The following ETNPPL variants were observed in gnomAD, a reference collection of about 807,000 sequenced individuals.
ETNPPL encodes alanine--glyoxylate aminotransferase 2-like 1.
A neutral mutation model predicts 55.5 loss-of-function variants in ETNPPL; 30 were observed. The observed-to-expected ratio is 0.54, with a 90% confidence interval of 0.40 to 0.73. The LOEUF (loss-of-function observed/expected upper bound fraction) is 0.73. Ranked by LOEUF, ETNPPL falls within the 30% of genes least tolerant of loss-of-function variation. The pLI is 0.00. For synonymous variants in ETNPPL, 202 were observed against 207.2 expected (o/e 0.98, Z 0.21); for missense variants, 528 against 607.9 (o/e 0.87, Z 1.38).
intron 8 of ETNPPL, among the ~76,000 whole-genome samples, chr4:108,748,513 T>C (rs372530244): frequency 7.2e-5 from 11 of 152,274 alleles, no homozygotes; most frequent in South Asian, 2.1e-4. Context: ...TGAGTAAAAG[T>C]AGCTAAGCAA....
In ETNPPL at chr4:108,760,189, A is replaced by T. The variant is rs765741189; in HGVS notation, c.174T>A (p.His58Gln). ...QYLDCINNVA[H>Q]VGHCHPGVVK... is the part of the protein sequence containing the mutation. ...GCACTGCAAGGACAGGACATTTACC[A>T]TGGGCAACATTGTTGATGCAGTCCA... Residue 58 changes from histidine to glutamine, a missense_variant and splice_region_variant, in exon 2 of 13, where the codon CAT (histidine) becomes CAA (glutamine). His to Gln is a conservative substitution (Grantham distance 24). Coordinates refer to ENST00000296486, the MANE Select transcript of ETNPPL (RefSeq NM_031279.4). 1.3e-6 allele frequency: 2 copies of T among 1,576,278 alleles called. No individual in the cohort carries two copies. Among genetic ancestry groups the T allele is most frequent in the Admixed American group, 3.3e-5 (2 of 59,810 alleles).
At chr4:108,758,006 CTTTTTTTT>C (rs11307616) in intron 3 of ETNPPL, among the ~76,000 whole-genome samples, 147 of 116,710 alleles carry the variant, frequency 1.3e-3, no homozygotes, top group Non-Finnish European at 1.7e-3. Flanking sequence ...ATATTTCTTT[CTTTTTTTT>C]TTTTTTTTTT....
In ETNPPL at chr4:108,756,448, C is replaced by T. The variant is rs189717933; in HGVS notation, c.380G>A (p.Arg127Lys). ...DLALRLARQF[R>K]GHQDVITLDH... ...AAGAGTGATCACATCCTGGTGGCCT[C>T]TGAACTGCCGAGCCAGGCGTAAGGC... Residue 127 changes from arginine (R) to lysine (K), a missense_variant, in exon 4 of 13, where the codon AGA becomes AAA. Arg to Lys is a conservative substitution (Grantham distance 26). Transcript: ENST00000296486. 211 of 1,614,154 alleles carry T rather than the reference C, an allele frequency of 1.3e-4. No individual in the cohort carries two copies. In the East Asian group the frequency reaches 3.4e-3, roughly 26 times the overall value.
chr4:108,758,896 A>G (rs1729363749), intron 3 of ETNPPL, among the ~76,000 whole-genome samples: 1 of 152,118 alleles, frequency 6.6e-6, no homozygotes, highest in Non-Finnish European at 1.5e-5. Context: ...ACTAGAATAC[A>G]AAATTAGCTG....
At chr4:108,759,095 T>C (rs1729376039) in intron 3 of ETNPPL, among the ~76,000 whole-genome samples, 1 of 152,098 alleles carries the variant, frequency 6.6e-6, no homozygotes, top group Admixed American at 6.6e-5. Context: ...TCTATTTGAG[T>C]TTCCTTCTTT....
intron 4 of ETNPPL, 71 bp downstream of exon 4, chr4:108,756,347 T>G: frequency 9.7e-7 from 1 of 1,026,582 alleles, no homozygotes; most frequent in East Asian, 2.4e-5. Flanking sequence ...ATGGTATTAG[T>G]ATGGATAGGA....
intron 1 of ETNPPL, among the ~76,000 whole-genome samples, chr4:108,760,930 T>G (rs1449941479): frequency 6.6e-6 from 1 of 152,212 alleles, no homozygotes; most frequent in East Asian, 1.9e-4. Flanking sequence ...CACTGAAAGC[T>G]AAATGCAAAT....
At chr4:108,752,153 T>C (rs1205810952) in intron 6 of ETNPPL, among the ~76,000 whole-genome samples, 1 of 152,118 alleles carries the variant, frequency 6.6e-6, no homozygotes, top group Admixed American at 6.6e-5. Context: ...AATGGCTCTC[T>C]AGTCATGAAG....
Position 108,757,544 on chromosome 4 carries a change from G to A in ETNPPL, c.336-1052C>T, listed in dbSNP as rs775484698. Among the ~76,000 whole-genome samples the A allele has an allele frequency of 9.9e-5, 15 of 152,258 alleles. No homozygotes were observed. In the East Asian group the frequency reaches 1.3e-3, roughly 14 times the overall value. On this transcript the variant is annotated intron_variant, in intron 3 of 12. Coordinates refer to ENST00000296486, the MANE Select transcript of ETNPPL (RefSeq NM_031279.4). ...TCTTAGCAATTTGGTAGGCCAAGGCGGGAAGATTTCTTGAGGTCAGGAGTT... is the reference window on the plus strand; with the variant it reads ...TCTTAGCAATTTGGTAGGCCAAGGCAGGAAGATTTCTTGAGGTCAGGAGTT...
chr4:108,747,961 T>C (rs760455632), intron 9 of ETNPPL, 44 bp downstream of exon 9: 2 of 1,520,810 alleles, frequency 1.3e-6, no homozygotes, highest in African/African-American at 1.4e-5. Flanking sequence ...ATTATTATTT[T>C]GAAAAAAATG....
chr4:108,762,917 G>C lies in ETNPPL; in HGVS notation c.-19C>G, dbSNP rs771366239. On this transcript the variant is annotated 5_prime_UTR_variant, in exon 1 of 13. Transcript: ENST00000296486. ...CGCACATGGTGGCGGGGTGCAGGGC[G>C]CTGCGAAGGTGCAAGGTGCAAGGTC... is the stretch of plus-strand genomic sequence containing the variant. 3.1e-6 allele frequency: 5 copies of C among 1,612,958 alleles called. No individual in the cohort carries two copies. The Admixed American group carries it at 5.0e-5, about 16-fold the overall frequency.
chr4:108,754,667 A>C lies in ETNPPL; in HGVS notation c.454T>G (p.Tyr152Asp). The change falls in exon 5 of 13, where the codon TAT becomes GAT. Residue 152 changes from tyrosine to aspartate, a missense_variant. Tyr to Asp is a radical substitution (Grantham distance 160). Transcript: ENST00000296486. ...ACATCTTTTCCTTTCTGAAACTTAT[A>C]TGGGCTAATCTCAATTAAGGATGAT... ...HLSSLIEISPYKFQKGKDVKK... is the reference protein window; with the variant it reads ...HLSSLIEISPDKFQKGKDVKK... 1 of 1,601,468 alleles carries C rather than the reference A, an allele frequency of 6.2e-7. No homozygotes were observed. The highest frequency in any genetic ancestry group is 8.5e-7 in the Non-Finnish European group (1 of 1,169,842).
chr4:108,742,914 T>C (rs1470690384), intron 12 of ETNPPL, among the ~76,000 whole-genome samples: 1 of 152,228 alleles, frequency 6.6e-6, no homozygotes, highest in Non-Finnish European at 1.5e-5. Flanking sequence ...TGCAGGACTC[T>C]TTAATGCTTG....
At chr4:108,756,333 G>T in intron 4 of ETNPPL, 85 bp downstream of exon 4, 1 of 889,992 alleles carries the variant, frequency 1.1e-6, no homozygotes, top group Non-Finnish European at 1.9e-6. Flanking sequence ...TTTCACATGC[G>T]TTCATGGTAT....
intron 1 of ETNPPL, chr4:108,762,159 A>G: frequency 3.6e-6 from 1 of 278,828 alleles, no homozygotes; most frequent in Non-Finnish European, 7.3e-6. Context: ...ACATCCAACG[A>G]GAGCTAGAGC....
chr4:108,760,120 T>G (rs1229385897), intron 2 of ETNPPL, 68 bp downstream of exon 2: 1 of 1,237,650 alleles, frequency 8.1e-7, no homozygotes, highest in East Asian at 2.3e-5. Context: ...AAACAAAAAT[T>G]AAGTGTTCCA....
At chr4:108,762,595 C>G in intron 1 of ETNPPL, 1 of 627,372 alleles carries the variant, frequency 1.6e-6, no homozygotes, top group Non-Finnish European at 2.9e-6. Flanking sequence ...CCCCGCTAGT[C>G]CGCCGGCTGC....
chr4:108,753,469 C>T (rs191733889), intron 5 of ETNPPL, among the ~76,000 whole-genome samples: 186 of 152,172 alleles, frequency 1.2e-3, no homozygotes, highest in African/African-American at 3.9e-3. Context: ...TGGCCAGGCG[C>T]GGTGGCTCAC....
chr4:108,753,749 T>TAAAGAAAGA (rs1553934219), intron 5 of ETNPPL, among the ~76,000 whole-genome samples: 9 of 76,766 alleles, frequency 1.2e-4, no homozygotes, highest in Admixed American at 5.5e-4. Context: ...CTCAAATAAA[T>TAAAGAAAGA]AAGAAAGAAA....
Sources: allele counts gnomAD v4.1 joint callset (sites outside exome capture counted in the v4.1 genomes callset), GRCh38; gene constraint gnomAD v4.1.1; transcripts MANE v1.5; gene names NCBI Gene and HGNC (gene_info 2026-07-23, HGNC 2026-07-21).